Variants in LRRTM4 observed in about 807,000 individuals in gnomAD.
LRRTM4 encodes the protein leucine rich repeat transmembrane neuronal 4, also known as leucine-rich repeat transmembrane neuronal protein 4.
LRRTM4 carries 25 observed loss-of-function variants against 47.6 expected under a neutral mutation model. That is an observed-to-expected ratio of 0.53 (90% CI 0.38 to 0.73). The LOEUF is 0.73. LRRTM4 is among the 30% of genes least tolerant of loss of function. The pLI is 0.00. For synonymous variants in LRRTM4, 311 were observed against 269.5 expected (o/e 1.15, Z -1.51); for missense variants, 638 against 713.4 (o/e 0.89, Z 1.20).
intron 3 of LRRTM4, among the ~76,000 whole-genome samples, chr2:77,461,444 C>T (rs2103972970): frequency 6.6e-6 from 1 of 152,128 alleles, no homozygotes; most frequent in Non-Finnish European, 1.5e-5. Context: ...ATCTTCCTGC[C>T]ATGGAAGAGA....
intron 3 of LRRTM4, among the ~76,000 whole-genome samples, chr2:77,115,576 G>A (rs774755887): frequency 1.8e-4 from 28 of 152,172 alleles, no homozygotes; most frequent in Non-Finnish European, 2.5e-4. Context: ...CGGTCCCTCC[G>A]TTCGGGGTCC....
At chr2:77,364,448 T>G (rs2018145) in intron 3 of LRRTM4, among the ~76,000 whole-genome samples, 118,929 of 151,810 alleles carry the variant, frequency 0.78, 47,229 homozygotes, top group Non-Finnish European at 0.86. Flanking sequence ...AATGCTCACT[T>G]ACAGGCAAAA....
chr2:77,066,461 C>A (rs1679959647), intron 3 of LRRTM4, among the ~76,000 whole-genome samples: 2 of 152,180 alleles, frequency 1.3e-5, no homozygotes, highest in Admixed American at 6.5e-5. Flanking sequence ...TAAGTTAATT[C>A]ATTTTTAAAG....
intron 3 of LRRTM4, among the ~76,000 whole-genome samples, chr2:76,779,625 T>C (rs1402177293): frequency 6.6e-5 from 10 of 151,228 alleles, no homozygotes; most frequent in East Asian, 1.9e-4. Context: ...TAGATCTTCC[T>C]CCATCCTTTT....
chr2:77,283,766 A>G (rs1330058877), intron 3 of LRRTM4, among the ~76,000 whole-genome samples: 1 of 152,084 alleles, frequency 6.6e-6, no homozygotes, highest in African/African-American at 2.4e-5. Flanking sequence ...ATGGGAACCT[A>G]AACATTAGAT....
chr2:76,802,175 T>C (rs1053754542), intron 3 of LRRTM4, among the ~76,000 whole-genome samples: 3 of 151,408 alleles, frequency 2.0e-5, no homozygotes, highest in South Asian at 4.2e-4. Context: ...GAGGAATAAA[T>C]TGAATTGTCC....
chr2:76,898,593 G>A (rs1054244670), intron 3 of LRRTM4, among the ~76,000 whole-genome samples: 63 of 149,140 alleles, frequency 4.2e-4, no homozygotes, highest in African/African-American at 1.5e-3. Flanking sequence ...GTACAGTAAT[G>A]GGTGGTAATG....
chr2:76,912,027 C>G (rs988783740), intron 3 of LRRTM4, among the ~76,000 whole-genome samples: 1 of 149,632 alleles, frequency 6.7e-6, no homozygotes, highest in Non-Finnish European at 1.5e-5. Flanking sequence ...CTTCTGGGTT[C>G]ACGCCATTCT....
intron 3 of LRRTM4, among the ~76,000 whole-genome samples, chr2:77,448,409 T>G (rs1346941380): frequency 6.6e-6 from 1 of 152,198 alleles, no homozygotes; most frequent in Non-Finnish European, 1.5e-5. Context: ...ATTATTCTTT[T>G]GCATACAATA....
chr2:77,002,305 A>G (rs1331434959), intron 3 of LRRTM4, among the ~76,000 whole-genome samples: 1 of 152,126 alleles, frequency 6.6e-6, no homozygotes, highest in Admixed American at 6.6e-5. Flanking sequence ...TCCTACCCAG[A>G]TTTCTAAAAG....
At chr2:77,130,049 T>A (rs1362862941) in intron 3 of LRRTM4, among the ~76,000 whole-genome samples, 1 of 152,212 alleles carries the variant, frequency 6.6e-6, no homozygotes, top group Non-Finnish European at 1.5e-5. Context: ...CTAGGCTTAA[T>A]CTATGTTTAG....
At chr2:76,906,037 A>C (rs1028417538) in intron 3 of LRRTM4, among the ~76,000 whole-genome samples, 6 of 152,172 alleles carry the variant, frequency 3.9e-5, no homozygotes, top group African/African-American at 1.4e-4. Flanking sequence ...TCCAAGGCAC[A>C]TAATTGTCAG....
intron 3 of LRRTM4, among the ~76,000 whole-genome samples, chr2:77,272,182 A>T (rs537773923): frequency 6.6e-6 from 1 of 152,274 alleles, no homozygotes; most frequent in South Asian, 2.1e-4. Context: ...TATATTACAC[A>T]GATTTTGGTA....
intron 3 of LRRTM4, among the ~76,000 whole-genome samples, chr2:77,503,598 G>C (rs1678654883): frequency 1.3e-5 from 2 of 151,532 alleles, no homozygotes; most frequent in Non-Finnish European, 3.0e-5. Flanking sequence ...AGTGTATTCT[G>C]TGTGTGTAAA....
At chr2:76,989,904 C>A (rs1003032411) in intron 3 of LRRTM4, 1 of 151,696 alleles carries the variant, frequency 6.6e-6, no homozygotes, top group Non-Finnish European at 1.5e-5. Context: ...TGTGATAAAA[C>A]AGATAAAGTA....
intron 3 of LRRTM4, among the ~76,000 whole-genome samples, chr2:77,351,107 T>G (rs191179704): frequency 3.3e-5 from 5 of 152,126 alleles, no homozygotes; most frequent in African/African-American, 1.2e-4. Flanking sequence ...GTGCCTATTG[T>G]TCCTCTCTAT....
intron 3 of LRRTM4, among the ~76,000 whole-genome samples, chr2:77,277,571 C>A (rs545058452): frequency 1.3e-5 from 2 of 152,116 alleles, no homozygotes; most frequent in South Asian, 2.1e-4. Context: ...AGGGGGATAT[C>A]CTCACAGTTT....
Position 76,818,236 on chromosome 2 carries a change from T to C in LRRTM4, c.1552-69320A>G, listed in dbSNP as rs557446456. Among the ~76,000 whole-genome samples the C allele has an allele frequency of 3.3e-5, 5 of 151,952 alleles. No individual in the cohort carries two copies. In the South Asian group the frequency reaches 1.0e-3, roughly 31 times the overall value. On this transcript the variant is annotated intron_variant, in intron 3 of 3. Coordinates refer to ENST00000409884, the MANE Select transcript of LRRTM4 (RefSeq NM_001134745.3). ...TATTGTTTAATCTAAATGTTTTCTT[T>C]ATACGTATTCTGAAAACATGGTGTT...
At chr2:77,092,073 CTG>C (rs1355811445) in intron 3 of LRRTM4, among the ~76,000 whole-genome samples, 2 of 152,166 alleles carry the variant, frequency 1.3e-5, no homozygotes, top group Non-Finnish European at 2.9e-5. Context: ...AAATCACAAA[CTG>C]TGCTCAACTC....
Sources: allele counts gnomAD v4.1 joint callset (sites outside exome capture counted in the v4.1 genomes callset), GRCh38; gene constraint gnomAD v4.1.1; transcripts MANE v1.5; gene names NCBI Gene and HGNC (gene_info 2026-07-23, HGNC 2026-07-21).